The following CEP85L variants were observed in gnomAD, a reference collection of about 807,000 sequenced individuals.
The protein encoded by CEP85L is centrosomal protein of 85 kDa-like.
Under a neutral mutation model 100.3 loss-of-function variants are expected in CEP85L, and 60 were observed. The ratio of observed to expected loss-of-function variants is 0.60; its 90% confidence interval spans 0.49 to 0.74. The LOEUF (loss-of-function observed/expected upper bound fraction) is 0.74, where lower values mean the gene tolerates loss of function less well. Ranked by LOEUF, CEP85L falls within the 30% of genes least tolerant of loss-of-function variation. CEP85L has a pLI of 0.00. For missense variants in CEP85L, 973 were observed against 936.2 expected, an observed-to-expected ratio of 1.04 and a Z score of -0.51; for synonymous variants, 319 against 322.7, an observed-to-expected ratio of 0.99 and a Z score of 0.12.
chr6:118,546,538 T>C (rs1274789003), intron 3 of CEP85L, among the ~76,000 whole-genome samples: 36 of 152,222 alleles, frequency 2.4e-4, no homozygotes, highest in Admixed American at 2.3e-3. Flanking sequence ...TGCTCAAGAA[T>C]GCATCTATTT....
At chr6:118,698,745 G>C (rs1485501031) in intron 1 of CEP85L, among the ~76,000 whole-genome samples, 1 of 151,570 alleles carries the variant, frequency 6.6e-6, no homozygotes, top group African/African-American at 2.4e-5. Context: ...ATTAAGTGGG[G>C]ATGTGATAGG....
chr6:118,592,155 T>A (rs986992136), intron 2 of CEP85L, among the ~76,000 whole-genome samples: 2 of 152,154 alleles, frequency 1.3e-5, no homozygotes, highest in African/African-American at 4.8e-5. Context: ...ACCTATATTA[T>A]CCTACACTAT....
intron 1 of CEP85L, among the ~76,000 whole-genome samples, chr6:118,650,135 G>A (rs76059857): frequency 6.6e-6 from 1 of 151,970 alleles, no homozygotes; most frequent in South Asian, 2.1e-4. Flanking sequence ...TACACAAGTC[G>A]AGCTCAAACA....
chr6:118,586,966 TA>T (rs2115101226), intron 2 of CEP85L, among the ~76,000 whole-genome samples: 1 of 152,336 alleles, frequency 6.6e-6, no homozygotes, highest in East Asian at 1.9e-4. Flanking sequence ...TAACAGTTAC[TA>T]ACAGGAAGTA....
intron 1 of CEP85L, among the ~76,000 whole-genome samples, chr6:118,659,105 A>G (rs1302288562): frequency 6.6e-6 from 1 of 152,194 alleles, no homozygotes; most frequent in East Asian, 1.9e-4. Flanking sequence ...ATAGTAATTG[A>G]CACTAGTTTT....
At chr6:118,487,589 C>G (rs1324769510) in intron 6 of CEP85L, among the ~76,000 whole-genome samples, 1 of 152,168 alleles carries the variant, frequency 6.6e-6, no homozygotes, top group African/African-American at 2.4e-5. Context: ...TGTAATCCTA[C>G]CCCCAATACA....
chr6:118,630,937 A>T lies in CEP85L; in HGVS notation c.232+1516T>A, dbSNP rs955167999. Among the ~76,000 whole-genome samples, 3 of 152,194 alleles carry T rather than the reference A, an allele frequency of 2.0e-5. No individual in the cohort carries two copies. In the East Asian group the frequency reaches 5.8e-4, roughly 29 times the overall value. ...CTTATGAGAATCTAATGATAAATATAATGCAATGCACCTGAATCATCCCAA... is the reference window on the plus strand; with the variant it reads ...CTTATGAGAATCTAATGATAAATATTATGCAATGCACCTGAATCATCCCAA... On this transcript the variant is annotated intron_variant, in intron 2 of 12. Transcript: ENST00000368491.
At position 118,468,870 on chromosome 6, in the gene CEP85L, T is replaced by C. The variant is rs540199672; in HGVS notation, c.2254+202A>G. 2.0e-5 allele frequency among the ~76,000 whole-genome samples: 3 copies of C among 152,312 alleles called. No individual in the cohort carries two copies. The South Asian group carries it at 6.2e-4, about 32-fold the overall frequency. On this transcript the variant is annotated intron_variant, in intron 12 of 12. Transcript: ENST00000368491. Reference sequence around the variant, plus strand: ...ACATAGGAAACATCACCAGGCATTCTACCAAGTGGCAGTTAATGTCAGCTA... The same window carrying C: ...ACATAGGAAACATCACCAGGCATTCCACCAAGTGGCAGTTAATGTCAGCTA...
chr6:118,671,213 A>T (rs1486576535), intron 1 of CEP85L, among the ~76,000 whole-genome samples: 1 of 152,198 alleles, frequency 6.6e-6, no homozygotes, highest in Non-Finnish European at 1.5e-5. Context: ...ATTCAGAGCC[A>T]AATATGTGGC....
Position 118,565,580 on chromosome 6 carries a change from C to A in CEP85L, c.969G>T (p.Trp323Cys). ...NTEDSYSLAPWQQQQIEDFRQ... is the reference protein window; with the variant it reads ...NTEDSYSLAPCQQQQIEDFRQ... ...GAAAGTCTTCAATTTGCTGCTGTTG[C>A]CAAGGAGCTAAACTGTAAGAATCCT... The change falls in exon 3 of 13, where the codon TGG (tryptophan) becomes TGT (cysteine). Residue 323 changes from tryptophan (W) to cysteine (C), a missense_variant. This residue lies in a region of CEP85L where 890 missense variants were observed against 844.5 expected (regional missense o/e 1.05). Transcript: ENST00000368491. The A allele has an allele frequency of 1.2e-6, 2 of 1,614,150 alleles. No individual in the cohort carries two copies. The highest frequency in any genetic ancestry group is 1.7e-6 in the Non-Finnish European group (2 of 1,180,020).
intron 3 of CEP85L, among the ~76,000 whole-genome samples, chr6:118,558,107 A>G (rs181631175): frequency 2.6e-4 from 39 of 152,068 alleles, no homozygotes; most frequent in African/African-American, 9.4e-4. Flanking sequence ...ACATGCCACC[A>G]GCCTAGCTAA....
At chr6:118,650,612 G>C (rs1037136249) in intron 1 of CEP85L, among the ~76,000 whole-genome samples, 8 of 152,172 alleles carry the variant, frequency 5.3e-5, no homozygotes, top group Admixed American at 3.3e-4. Context: ...GTTCCTCCGA[G>C]GGGCTGAAGT....
chr6:118,545,635 C>CTA (rs1174483808), intron 3 of CEP85L, among the ~76,000 whole-genome samples: 1 of 152,058 alleles, frequency 6.6e-6, no homozygotes, highest in East Asian at 1.9e-4. Context: ...ATTTAAAATG[C>CTA]TACAAAACTA....
At chr6:118,593,882 C>T (rs1781324656) in intron 2 of CEP85L, among the ~76,000 whole-genome samples, 1 of 152,106 alleles carries the variant, frequency 6.6e-6, no homozygotes, top group Non-Finnish European at 1.5e-5. Context: ...TACTTCCCAG[C>T]CTTTGACCAA....
rs947643157 is a variant in CEP85L at position 118,464,637 on chromosome 6, G to A, written c.*768C>T. On this transcript the variant is annotated 3_prime_UTR_variant, in exon 13 of 13. Transcript: ENST00000368491. ...TAAATAAAAAATTGTAAATAGTAAG[G>A]AACATGTTAAAATTAGTTCAAGTTA... is the stretch of plus-strand genomic sequence containing the variant. 6 of 151,678 alleles carry A rather than the reference G, an allele frequency of 4.0e-5. No individual in the cohort carries two copies. The highest frequency in any genetic ancestry group is 8.8e-5 in the Non-Finnish European group (6 of 67,904). The allele number at this position is 151,678 out of a possible 1,614,324, so 9.4% of individuals were successfully genotyped here.
intron 4 of CEP85L, 46 bp from the exon 5 acceptor site, chr6:118,511,461 ATAGT>A (rs768574540): frequency 2.0e-5 from 26 of 1,269,464 alleles, no homozygotes; most frequent in South Asian, 8.5e-5. Context: ...TAATTTTCTA[ATAGT>A]TAGAAGAACC....
rs1554228039 is a variant in CEP85L, at chr6:118,600,300, G to GTGTGTGTGTGTGTGTGTGTGT, written c.232+32152_232+32153insACACACACACACACACACACA. On this transcript the variant is annotated intron_variant, in intron 2 of 12. Coordinates refer to ENST00000368491, the MANE Select transcript of CEP85L (RefSeq NM_001042475.3). ...CTGCCTGTCCCTGAGCCTTCCTGGGGGTGTGTGTGTGTGTGTGTGTGTGTG... is the reference window on the plus strand; with the variant it reads ...CTGCCTGTCCCTGAGCCTTCCTGGGGTGTGTGTGTGTGTGTGTGTGTGTGTGTGTGTGTGTGTGTGTGTGTG... Among the ~76,000 whole-genome samples the GTGTGTGTGTGTGTGTGTGTGT allele has an allele frequency of 7.1e-4, 37 of 52,244 alleles. 7 individuals are homozygous for GTGTGTGTGTGTGTGTGTGTGT. The highest frequency in any genetic ancestry group is 1.2e-3 in the Admixed American group (6 of 4,838). 34.3% of individuals were successfully genotyped at this position (52,244 alleles called of 152,430 possible). A position where few individuals can be genotyped will look rare whatever the true frequency, so the allele number is the denominator to read the frequency against.
chr6:118,629,482 A>G (rs1351266979), intron 2 of CEP85L, among the ~76,000 whole-genome samples: 2 of 152,184 alleles, frequency 1.3e-5, no homozygotes, highest in Non-Finnish European at 2.9e-5. Context: ...ACAACAAAAT[A>G]CTACACATTT....
intron 1 of CEP85L, among the ~76,000 whole-genome samples, chr6:118,682,056 G>A (rs187278187): frequency 2.7e-5 from 4 of 150,474 alleles, no homozygotes; most frequent in East Asian, 1.9e-4. Context: ...GTGAGCCACC[G>A]CACCCAGCCT....
Sources: gnomAD v4.1 joint callset for allele counts (sites outside exome capture counted in the v4.1 genomes callset) on GRCh38, gnomAD v4.1.1 for gene constraint, gnomAD v4.1.1 regional missense constraint, MANE v1.5 for transcripts, NCBI Gene and HGNC (gene_info 2026-07-23, HGNC 2026-07-21) for gene names.